MKLN1: variants seen among roughly 807,000 people sequenced by gnomAD.
MKLN1 encodes the protein muskelin 1, also known as muskelin.
Under a neutral mutation model 99.0 loss-of-function variants are expected in MKLN1, and 18 were observed. The observed-to-expected ratio is 0.18, with a 90% CI of 0.13 to 0.27. The LOEUF (loss-of-function observed/expected upper bound fraction) is 0.27. Among genes scored for constraint, MKLN1 ranks in the 10% least tolerant of loss-of-function variants. The pLI is 1.00. For synonymous variants in MKLN1, 288 were observed against 293.2 expected, an observed-to-expected ratio of 0.98 and a Z score of 0.18; for missense variants, 621 against 875.9, an observed-to-expected ratio of 0.71 and a Z score of 3.67.
At chr7:131,241,675 A>G (rs573386848) in intron 3 of MKLN1, among the ~76,000 whole-genome samples, 48 of 152,224 alleles carry the variant, frequency 3.2e-4, no homozygotes, top group Non-Finnish European at 5.6e-4. Context: ...AACAAAAACA[A>G]AAACTCCTTA....
intron 3 of MKLN1, among the ~76,000 whole-genome samples, chr7:131,296,392 T>C (rs1798292120): frequency 6.6e-6 from 1 of 152,200 alleles, no homozygotes; most frequent in South Asian, 2.1e-4. Context: ...TTGCTCTGTG[T>C]AAAAATGGAG....
intron 3 of MKLN1, among the ~76,000 whole-genome samples, chr7:131,234,331 T>C (rs938166973): frequency 1.2e-4 from 18 of 152,300 alleles, no homozygotes; most frequent in African/African-American, 4.3e-4. Flanking sequence ...AAGAAGAAAA[T>C]TAACTAAATT....
chr7:131,398,660 C>T (rs1003857099), intron 5 of MKLN1, among the ~76,000 whole-genome samples: 1 of 151,296 alleles, frequency 6.6e-6, no homozygotes, highest in African/African-American at 2.4e-5. Context: ...CGCTACAGTC[C>T]AGCCTGGGAG....
At chr7:131,343,407 C>T (rs1344236952) in intron 1 of MKLN1, among the ~76,000 whole-genome samples, 2 of 152,210 alleles carry the variant, frequency 1.3e-5, no homozygotes, top group Admixed American at 6.5e-5. Flanking sequence ...TCCACATTCA[C>T]CCTTTTTAAT....
intron 3 of MKLN1, among the ~76,000 whole-genome samples, chr7:131,314,804 C>G (rs1379803872): frequency 6.6e-6 from 1 of 152,056 alleles, no homozygotes; most frequent in Non-Finnish European, 1.5e-5. Flanking sequence ...GGGTGTTGCT[C>G]TGTCACACAA....
At chr7:131,370,542 C>T (rs1800317626) in intron 1 of MKLN1, among the ~76,000 whole-genome samples, 1 of 149,632 alleles carries the variant, frequency 6.7e-6, no homozygotes, top group Admixed American at 6.7e-5. Context: ...ACATTGTATA[C>T]TCCTTGGGTA....
chr7:131,135,450 G>A (rs1032608407), intron 1 of MKLN1, among the ~76,000 whole-genome samples: 1 of 152,206 alleles, frequency 6.6e-6, no homozygotes, highest in Non-Finnish European at 1.5e-5. Context: ...GGAGTTTAGG[G>A]ACGCATCAGA....
At chr7:131,279,618 G>A (rs1798022660) in intron 3 of MKLN1, among the ~76,000 whole-genome samples, 2 of 151,972 alleles carry the variant, frequency 1.3e-5, no homozygotes, top group South Asian at 4.2e-4. Context: ...GACCAGCCTG[G>A]GCAACAAAGA....
At chr7:131,134,481 C>T (rs1795617907) in intron 1 of MKLN1, among the ~76,000 whole-genome samples, 1 of 152,296 alleles carries the variant, frequency 6.6e-6, no homozygotes. Context: ...AGACCTCTCT[C>T]CTGATCTGCA....
At chr7:131,397,432 A>G in intron 5 of MKLN1, 56 bp downstream of exon 5, 3 of 844,594 alleles carry the variant, frequency 3.6e-6, no homozygotes, top group South Asian at 1.7e-5. Context: ...AAATATGTCA[A>G]TCTCTTATCT....
At chr7:131,366,019 C>G (rs1404967131) in intron 1 of MKLN1, among the ~76,000 whole-genome samples, 1 of 152,150 alleles carries the variant, frequency 6.6e-6, no homozygotes, top group Non-Finnish European at 1.5e-5. Flanking sequence ...CATAGAAATG[C>G]AGAATGTTAA....
At chr7:131,260,979 A>G (rs550757060) in intron 3 of MKLN1, among the ~76,000 whole-genome samples, 9 of 152,236 alleles carry the variant, frequency 5.9e-5, no homozygotes, top group Non-Finnish European at 1.0e-4. Context: ...TTTATATTGT[A>G]TACAAAAATC....
At chr7:131,462,493 A>G (rs984628438) in intron 12 of MKLN1, among the ~76,000 whole-genome samples, 5 of 152,238 alleles carry the variant, frequency 3.3e-5, no homozygotes, top group Non-Finnish European at 7.3e-5. Flanking sequence ...GAACTGTCCC[A>G]GATAATAAAT....
intron 2 of MKLN1, among the ~76,000 whole-genome samples, chr7:131,167,187 T>C (rs1796139521): frequency 6.6e-6 from 1 of 152,128 alleles, no homozygotes; most frequent in South Asian, 2.1e-4. Flanking sequence ...AATGATCCAC[T>C]GTTTTCAAGG....
chr7:131,201,588 A>G (rs542362067), intron 2 of MKLN1, among the ~76,000 whole-genome samples: 67 of 152,318 alleles, frequency 4.4e-4, no homozygotes, highest in South Asian at 1.5e-3. Context: ...TACAATTAGA[A>G]TCATCATCCG....
At chr7:131,478,595 C>CTTTTTTTTTTTTTTTTTTTTTTT (rs3080645) in intron 16 of MKLN1, 28 bp from the exon 17 acceptor site, 1 of 1,034,246 alleles carries the variant, frequency 9.7e-7, no homozygotes. Flanking sequence ...TTTGCTGCTT[C>CTTTTTTTTTTTTTTTTTTTTTTT]TTTTTTTTTT....
intron 9 of MKLN1, among the ~76,000 whole-genome samples, chr7:131,431,771 A>G (rs1470646808): frequency 6.6e-6 from 1 of 152,172 alleles, no homozygotes; most frequent in Non-Finnish European, 1.5e-5. Flanking sequence ...AAAAACTCGA[A>G]ATTTCTCATC....
intron 8 of MKLN1, among the ~76,000 whole-genome samples, 164 bp downstream of exon 8, chr7:131,414,874 A>T (rs1409361345): frequency 6.6e-6 from 1 of 151,766 alleles, no homozygotes; most frequent in Non-Finnish European, 1.5e-5. Flanking sequence ...GTGTGTCTGT[A>T]TGTGTGTGTA....
chr7:131,117,354 C>T (rs1284465452), intron 1 of MKLN1, among the ~76,000 whole-genome samples: 1 of 151,726 alleles, frequency 6.6e-6, no homozygotes, highest in African/African-American at 2.4e-5. Context: ...TGCTTGAACC[C>T]GGGAGGCAGA....
Sources: allele counts gnomAD v4.1 joint callset (sites outside exome capture counted in the v4.1 genomes callset), GRCh38; gene constraint gnomAD v4.1.1; transcripts MANE v1.5; gene names NCBI Gene and HGNC (gene_info 2026-07-23, HGNC 2026-07-21).